The following STEAP4 variants were observed in gnomAD, a reference collection of about 807,000 sequenced individuals.
The protein encoded by STEAP4 is metalloreductase STEAP4.
In STEAP4, 36 loss-of-function variants were observed where a neutral mutation model predicts 43.6. The observed-to-expected ratio is 0.83, with a 90% confidence interval of 0.63 to 1.09. STEAP4 has a LOEUF of 1.09. Among genes scored for constraint, STEAP4 ranks in the 50% least tolerant of loss-of-function variants. STEAP4 has a pLI of 0.00. For missense variants in STEAP4, 495 were observed against 546.5 expected, an observed-to-expected ratio of 0.91 and a Z score of 0.94; for synonymous variants, 191 against 196.7, an observed-to-expected ratio of 0.97 and a Z score of 0.24.
Position 88,277,304 on chromosome 7 carries a change from G to A in STEAP4, c.*2094C>T, listed in dbSNP as rs1852527638. 1 of 152,116 alleles carries A rather than the reference G, an allele frequency of 6.6e-6. No homozygotes were observed. The highest frequency in any genetic ancestry group is 2.4e-5 in the African/African-American group (1 of 41,414). The allele number at this position is 152,116 out of a possible 1,614,324, so 9.4% of individuals were successfully genotyped here. ...TCAAAGATAAGTTGAAGGAGCGTGTGTTCTGTGTACCTTTGCAACCAGTTA... is the reference window on the plus strand; with the variant it reads ...TCAAAGATAAGTTGAAGGAGCGTGTATTCTGTGTACCTTTGCAACCAGTTA... On this transcript the variant is annotated 3_prime_UTR_variant, in exon 5 of 5. Transcript: ENST00000380079.
chr7:88,279,539 T>C lies in STEAP4; in HGVS notation c.1239A>G (p.Arg413=), dbSNP rs763954122. Residue 413 remains arginine, a synonymous_variant, in exon 5 of 5, where the codon AGA becomes AGG. Transcript: ENST00000380079. The part of the protein sequence containing the change: ...GKRFLSPSNL[R]WYLPAAYVLG... ...ACACGTAGGCTGCAGGAAGATACCA[T>C]CTGAGATTTGAAGGGCTGAGGAATC... 6.2e-7 allele frequency: 1 copy of C among 1,614,096 alleles called. No homozygotes were observed. The highest frequency in any genetic ancestry group is 8.5e-7 in the Non-Finnish European group (1 of 1,180,012).
intron 1 of STEAP4, among the ~76,000 whole-genome samples, chr7:88,291,697 A>T (rs1852837057): frequency 6.6e-6 from 1 of 152,134 alleles, no homozygotes; most frequent in Non-Finnish European, 1.5e-5. Flanking sequence ...TTCTAGTCCT[A>T]CTTTACTCTT....
intron 3 of STEAP4, chr7:88,281,777 A>G (rs914936333): frequency 2.6e-5 from 4 of 152,226 alleles, no homozygotes; most frequent in African/African-American, 9.6e-5. Context: ...TTGATTATGC[A>G]TAAGACAATA....
intron 4 of STEAP4, among the ~76,000 whole-genome samples, chr7:88,280,047 C>T (rs1286662067): frequency 6.6e-6 from 1 of 152,170 alleles, no homozygotes; most frequent in East Asian, 1.9e-4. Context: ...CAGATCCTAG[C>T]TCATTTCTAT....
intron 1 of STEAP4, among the ~76,000 whole-genome samples, chr7:88,305,339 T>C (rs1563506789): frequency 1.3e-5 from 2 of 152,208 alleles, no homozygotes. Context: ...GTAGAATACA[T>C]GCAGGTCAAA....
At chr7:88,281,905 A>C (rs1435636391) in intron 3 of STEAP4, 1 of 152,196 alleles carries the variant, frequency 6.6e-6, no homozygotes, top group Admixed American at 6.5e-5. Context: ...AGTGTGGCAC[A>C]TATTTGGTTA....
At chr7:88,303,794 A>T (rs929094705) in intron 1 of STEAP4, among the ~76,000 whole-genome samples, 1 of 152,244 alleles carries the variant, frequency 6.6e-6, no homozygotes, top group Non-Finnish European at 1.5e-5. Flanking sequence ...TAATCTATGT[A>T]GGCCAAGAAT....
At chr7:88,292,614 T>C (rs1356334175) in intron 1 of STEAP4, 2 of 152,154 alleles carry the variant, frequency 1.3e-5, no homozygotes, top group African/African-American at 2.4e-5. Context: ...TGCATGTATA[T>C]TTCCATGTCA....
In STEAP4 at chr7:88,279,182, G is replaced by A. The variant is rs887376685; in HGVS notation, c.*216C>T. 8 of 552,704 alleles carry A rather than the reference G, an allele frequency of 1.4e-5. No individual in the cohort carries two copies. The highest frequency in any genetic ancestry group is 2.6e-5 in the Non-Finnish European group (8 of 309,306). The allele number at this position is 552,704 out of a possible 1,614,324, so 34.2% of individuals were successfully genotyped here. A position where few individuals can be genotyped will look rare whatever the true frequency, so the allele number is the denominator to read the frequency against. ...CTGGGAAAATAAGAGTCAGGGACCT[G>A]CACTGATTCTTCACTAACCTGAGAT... On this transcript the variant is annotated 3_prime_UTR_variant, in exon 5 of 5. Transcript: ENST00000380079.
intron 1 of STEAP4, among the ~76,000 whole-genome samples, chr7:88,297,557 T>C (rs1852943407): frequency 6.6e-6 from 1 of 152,156 alleles, no homozygotes; most frequent in Non-Finnish European, 1.5e-5. Context: ...AGTGTAAGTA[T>C]ATCCCCTGCA....
At chr7:88,300,176 T>C (rs1216549807) in intron 1 of STEAP4, among the ~76,000 whole-genome samples, 5 of 152,250 alleles carry the variant, frequency 3.3e-5, no homozygotes, top group Admixed American at 1.3e-4. Flanking sequence ...TATTTTAAAA[T>C]AAACAGCTCT....
rs761175567 is a variant in STEAP4 at position 88,279,413 on chromosome 7, C to A, written c.1365G>T (p.Arg455Ser). The change falls in exon 5 of 5, where the codon AGG becomes AGT. Residue 455 changes from arginine to serine, a missense_variant. By Grantham distance (110) the Arg-to-Ser change is moderately radical. Coordinates refer to ENST00000380079, the MANE Select transcript of STEAP4 (RefSeq NM_024636.4). ...TLTRIRQGWERNSKH is the reference protein window; with the variant it reads ...TLTRIRQGWESNSKH ...AATGCTTTTTCTAGTGTTTTGAGTT[C>A]CTTTCCCAGCCCTGGCGGATCCTTG... is the stretch of plus-strand genomic sequence containing the variant. 1 of 1,613,642 alleles carries A rather than the reference C, an allele frequency of 6.2e-7. No homozygotes were observed. The highest frequency in any genetic ancestry group is 1.7e-5 in the Admixed American group (1 of 59,930).
chr7:88,281,031 T>C lies in STEAP4; in HGVS notation c.1033A>G (p.Ser345Gly). ...NPFSTSSAWLSDSYVALGILG... is the reference protein window; with the variant it reads ...NPFSTSSAWLGDSYVALGILG... The stretch of plus-strand genomic sequence containing the variant: ...ATTCCCAAAGCCACATATGAATCAC[T>C]GAGCCAGGCTGAGGAGGTGCTAAAT... The change falls in exon 4 of 5, where the codon AGT (serine) becomes GGT (glycine). Residue 345 changes from serine to glycine, a missense_variant. Physicochemically the swap from Ser to Gly is moderately conservative, Grantham distance 56. Transcript: ENST00000380079. The C allele has an allele frequency of 6.2e-7, 1 of 1,613,100 alleles. No individual in the cohort carries two copies. The highest frequency in any genetic ancestry group is 8.5e-7 in the Non-Finnish European group (1 of 1,179,632).
chr7:88,303,594 T>G (rs1563505990), intron 1 of STEAP4, among the ~76,000 whole-genome samples: 1 of 151,968 alleles, frequency 6.6e-6, no homozygotes, highest in Non-Finnish European at 1.5e-5. Flanking sequence ...CTGAATAAAC[T>G]CTTACAGAAC....
In STEAP4 at chr7:88,282,871, G is replaced by C. The variant is rs1852648138; in HGVS notation, c.754C>G (p.Leu252Val). ...AGGTAAACCAAAGCAAGCAGTGTAA[G>C]TGCTGTTATTGGAAAGATACGATTT... The part of the protein sequence containing the change: ...IPNRIFPITA[L>V]TLLALVYLPG... The change falls in exon 3 of 5, where the codon CTT becomes GTT. Residue 252 changes from leucine to valine, a missense_variant. Leu to Val is a conservative substitution (Grantham distance 32). Coordinates refer to ENST00000380079, the MANE Select transcript of STEAP4 (RefSeq NM_024636.4). 1 of 1,614,210 alleles carries C rather than the reference G, an allele frequency of 6.2e-7. No individual in the cohort carries two copies. Among genetic ancestry groups the C allele is most frequent in the Non-Finnish European group, 8.5e-7 (1 of 1,180,040 alleles).
rs1453033448 is a variant in STEAP4, at chr7:88,276,422, T to A, written c.*2976A>T. 6.6e-6 allele frequency: 1 copy of A among 152,212 alleles called. No individual in the cohort carries two copies. Among genetic ancestry groups the A allele is most frequent in the Non-Finnish European group, 1.5e-5 (1 of 68,028 alleles). The allele number at this position is 152,212 out of a possible 1,614,324, so 9.4% of individuals were successfully genotyped here. On this transcript the variant is annotated 3_prime_UTR_variant, in exon 5 of 5. Coordinates refer to ENST00000380079, the MANE Select transcript of STEAP4 (RefSeq NM_024636.4). Reference sequence around the variant, plus strand: ...AGTTAAAACCAGAATTAAACAAAACTAGGAAATATTTTTAAAGTAACATTT... The same window carrying A: ...AGTTAAAACCAGAATTAAACAAAACAAGGAAATATTTTTAAAGTAACATTT...
intron 1 of STEAP4, among the ~76,000 whole-genome samples, chr7:88,304,762 A>G (rs114269676): frequency 0.012 from 1,854 of 152,112 alleles, 36 homozygotes; most frequent in African/African-American, 0.043. Flanking sequence ...TTATGAAGAG[A>G]ACTAGGTGGT....
chr7:88,286,069 A>G (rs1487304158), intron 1 of STEAP4, among the ~76,000 whole-genome samples: 12 of 152,178 alleles, frequency 7.9e-5, no homozygotes, highest in Admixed American at 7.9e-4. Flanking sequence ...ATTCAAGAGC[A>G]CCTGTCAAAG....
intron 1 of STEAP4, among the ~76,000 whole-genome samples, chr7:88,303,288 G>C (rs1853071392): frequency 6.6e-6 from 1 of 151,378 alleles, no homozygotes; most frequent in African/African-American, 2.4e-5. Flanking sequence ...CTGAGGACCG[G>C]AGTTCCAGAC....
Sources: allele counts gnomAD v4.1 joint callset (sites outside exome capture counted in the v4.1 genomes callset), GRCh38; gene constraint gnomAD v4.1.1; transcripts MANE v1.5; gene names NCBI Gene and HGNC (gene_info 2026-07-23, HGNC 2026-07-21).